PHLDB2: variants seen among roughly 807,000 people sequenced by gnomAD.
The protein encoded by PHLDB2 is pleckstrin homology like domain family B member 2, also known as pleckstrin homology-like domain family B member 2.
In PHLDB2, 71 loss-of-function variants were observed where a neutral mutation model predicts 123.6. That is an observed-to-expected ratio of 0.57 (90% CI 0.47 to 0.70). PHLDB2 has a LOEUF of 0.70. PHLDB2 is among the 30% of genes least tolerant of loss of function. PHLDB2 has a pLI of 0.00. For synonymous variants in PHLDB2, 547 were observed against 541.6 expected (o/e 1.01, Z -0.14); for missense variants, 1,446 against 1,519.5 (o/e 0.95, Z 0.80).
intron 7 of PHLDB2, among the ~76,000 whole-genome samples, chr3:111,940,304 A>G (rs1484677026): frequency 1.3e-5 from 2 of 152,210 alleles, no homozygotes; most frequent in African/African-American, 4.8e-5. Flanking sequence ...GTTCTTCAAG[A>G]TAGGTTTTTA....
chr3:111,957,708 T>A (rs1334031848), intron 12 of PHLDB2, among the ~76,000 whole-genome samples: 2 of 152,258 alleles, frequency 1.3e-5, no homozygotes, highest in African/African-American at 2.4e-5. Context: ...GAGCCTGTTT[T>A]CTAAGAAAGA....
rs367905377 is a variant in PHLDB2, at chr3:111,962,164, C to A, written c.2929C>A (p.Arg977Ser). The change falls in exon 13 of 18, where the codon CGC (arginine) becomes AGC (serine). Residue 977 changes from arginine (R) to serine (S), a missense_variant. By Grantham distance (110) the Arg-to-Ser change is moderately radical (BLOSUM62 -1). This residue lies in a region of PHLDB2 where 594 missense variants were observed against 646.0 expected (regional missense o/e 0.92). Transcript: ENST00000431670. ...CAGGCAGAAATCTGAATTTTATAAC[C>A]GCACAGCATCTGAATCAAATGTCTA... The part of the protein sequence containing the change: ...GHRQKSEFYN[R>S]TASESNVYLN... The A allele has an allele frequency of 1.9e-6, 3 of 1,584,364 alleles. No individual in the cohort carries two copies. The East Asian group carries it at 6.8e-5, about 36-fold the overall frequency.
In PHLDB2 at chr3:111,969,896, C is replaced by G. The variant is rs768485419; in HGVS notation, c.3522C>G (p.Phe1174Leu). ...TTTTTGATCGGAACAAGCGAACATT[C>G]TCTTATTATGCAGGTGGGTGATAAA... ...WFVFDRNKRT[F>L]SYYADKHETK... The change falls in exon 16 of 18, where the codon TTC (phenylalanine) becomes TTG (leucine). Residue 1174 changes from phenylalanine (F) to leucine (L), a missense_variant. Around this residue, in one of 3 missense-constraint regions of PHLDB2, gnomAD observed 594 missense variants for 646.0 expected, o/e 0.92. Transcript: ENST00000431670. 1 of 1,613,842 alleles carries G rather than the reference C, an allele frequency of 6.2e-7. No individual in the cohort carries two copies. The highest frequency in any genetic ancestry group is 1.7e-5 in the Admixed American group (1 of 60,016).
intron 5 of PHLDB2, among the ~76,000 whole-genome samples, chr3:111,931,225 C>A (rs1330436137): frequency 1.3e-5 from 2 of 152,180 alleles, no homozygotes; most frequent in Non-Finnish European, 2.9e-5. Context: ...CAAAGTGCTT[C>A]ATAAAGTGCT....
chr3:111,969,420 A>G (rs557067062), intron 15 of PHLDB2, among the ~76,000 whole-genome samples: 7 of 152,266 alleles, frequency 4.6e-5, no homozygotes, highest in Admixed American at 3.9e-4. Flanking sequence ...ATAAATGACC[A>G]TTTTTCATTT....
Position 111,911,516 on chromosome 3 carries a change from T to TC in PHLDB2, c.1336-1797dup, listed in dbSNP as rs1036373576. ...TTAAAATAAGGCAATGAAGGCTATG[T>TC]CCCCCCTGCTTCCTCCCTATAAAGC... On this transcript the variant is annotated intron_variant, in intron 2 of 17. Coordinates refer to ENST00000431670, the MANE Select transcript of PHLDB2 (RefSeq NM_001134438.2). 4 of 1,007,206 alleles carry TC rather than the reference T, an allele frequency of 4.0e-6. No homozygotes were observed. In the East Asian group the frequency reaches 7.9e-5, roughly 20 times the overall value. The allele number at this position is 1,007,206 out of a possible 1,614,324, so 62.4% of individuals were successfully genotyped here.
At chr3:111,792,540 C>G (rs2060973189) in intron 1 of PHLDB2, among the ~76,000 whole-genome samples, 3 of 151,944 alleles carry the variant, frequency 2.0e-5, no homozygotes, top group East Asian at 1.9e-4. Flanking sequence ...ACCTCCATCC[C>G]TACAAAAAAT....
intron 2 of PHLDB2, among the ~76,000 whole-genome samples, chr3:111,908,464 T>A (rs999543973): frequency 2.0e-5 from 3 of 152,212 alleles, no homozygotes; most frequent in Non-Finnish European, 2.9e-5. Flanking sequence ...CCAGGACTAG[T>A]GTGGGTTAAA....
At chr3:111,803,597 A>C (rs1466085760) in intron 1 of PHLDB2, among the ~76,000 whole-genome samples, 4 of 152,152 alleles carry the variant, frequency 2.6e-5, no homozygotes, top group Admixed American at 1.3e-4. Context: ...ACCCACCAGC[A>C]ATCCCTGGCT....
At chr3:111,834,134 TTATATGTAATAGAATTATATATATTA>T (rs1266463239) in intron 1 of PHLDB2, among the ~76,000 whole-genome samples, 14 of 21,698 alleles carry the variant, frequency 6.5e-4, no homozygotes, top group South Asian at 1.7e-3. Flanking sequence ...TATATATATA[TTATATGTAATAGAATTATATATATTA>T]TATATGTAAT....
chr3:111,874,919 A>G (rs1007538250), intron 1 of PHLDB2, among the ~76,000 whole-genome samples: 13 of 152,234 alleles, frequency 8.5e-5, no homozygotes, highest in Non-Finnish European at 1.9e-4. Context: ...TACATTCTAA[A>G]AAACAAGAAT....
At position 111,975,590 on chromosome 3, in the gene PHLDB2, A is replaced by C. The variant is rs1487393934; in HGVS notation, c.*1027A>C. 6.6e-6 allele frequency: 1 copy of C among 152,340 alleles called. No homozygotes were observed. The highest frequency in any genetic ancestry group is 1.9e-4 in the East Asian group (1 of 5,204). 9.4% of individuals were successfully genotyped at this position (152,340 alleles called of 1,614,324 possible). ...TTATTTGCAGAAGTGGTGTAGTTCT[A>C]TAAAACGGCAAATGAAGTTCAACTT... On this transcript the variant is annotated 3_prime_UTR_variant, in exon 18 of 18. Coordinates refer to ENST00000431670, the MANE Select transcript of PHLDB2 (RefSeq NM_001134438.2).
chr3:111,735,861 G>A (rs1261007071), intron 1 of PHLDB2, among the ~76,000 whole-genome samples: 4 of 152,046 alleles, frequency 2.6e-5, no homozygotes, highest in Non-Finnish European at 5.9e-5. Flanking sequence ...AGTAAGATGA[G>A]GTAAAATTTG....
chr3:111,917,431 A>T (rs2068244055), intron 3 of PHLDB2: 1 of 152,192 alleles, frequency 6.6e-6, no homozygotes. Flanking sequence ...TAGAAACCTA[A>T]TATGTAATCT....
At chr3:111,747,802 T>C (rs188829115) in intron 1 of PHLDB2, among the ~76,000 whole-genome samples, 1 of 152,346 alleles carries the variant, frequency 6.6e-6, no homozygotes, top group Non-Finnish European at 1.5e-5. Flanking sequence ...CTTATTCTTT[T>C]ATCCTGTTGG....
chr3:111,734,124 A>C (rs1298729126), intron 1 of PHLDB2, among the ~76,000 whole-genome samples: 2 of 152,300 alleles, frequency 1.3e-5, no homozygotes, highest in East Asian at 3.9e-4. Flanking sequence ...GCTACCTCTC[A>C]AGAATGTTGT....
At chr3:111,849,869 CT>C (rs200384588) in intron 2 of PHLDB2, among the ~76,000 whole-genome samples, 83 of 148,960 alleles carry the variant, frequency 5.6e-4, no homozygotes, top group African/African-American at 1.9e-3. Context: ...GGCCATTATT[CT>C]TTTTTTTTTG....
chr3:111,922,990 C>T (rs1022698640), intron 5 of PHLDB2, among the ~76,000 whole-genome samples: 3 of 152,134 alleles, frequency 2.0e-5, no homozygotes, highest in Admixed American at 1.3e-4. Flanking sequence ...GTTTCTCTCT[C>T]TTTACTGTCA....
chr3:111,918,783 C>A (rs2068323821), intron 3 of PHLDB2, among the ~76,000 whole-genome samples: 1 of 152,186 alleles, frequency 6.6e-6, no homozygotes, highest in African/African-American at 2.4e-5. Flanking sequence ...TCTCTATATA[C>A]CACACCTTTC....
Sources: allele counts gnomAD v4.1 joint callset (sites outside exome capture counted in the v4.1 genomes callset), GRCh38; gene constraint gnomAD v4.1.1; regional missense constraint gnomAD v4.1.1; transcripts MANE v1.5; gene names NCBI Gene and HGNC (gene_info 2026-07-23, HGNC 2026-07-21).